Variants in ITPR2 observed in about 807,000 individuals in gnomAD.
ITPR2 encodes the protein inositol 1,4,5-trisphosphate receptor type 2.
In ITPR2, 207 loss-of-function variants were observed where a neutral mutation model predicts 317.1. The ratio of observed to expected loss-of-function variants is 0.65; its 90% CI spans 0.58 to 0.73. The LOEUF is 0.73. Among genes scored for constraint, ITPR2 ranks in the 30% least tolerant of loss-of-function variants. The pLI, the probability that ITPR2 is intolerant of heterozygous loss-of-function variation, is 0.00. For missense variants in ITPR2, 2,613 were observed against 3,284.0 expected, an observed-to-expected ratio of 0.80 and a Z score of 4.99; for synonymous variants, 1,156 against 1,149.1, an observed-to-expected ratio of 1.01 and a Z score of -0.12.
rs1161532654 is a variant in ITPR2 at position 26,664,125 on chromosome 12, T to C, written c.1552-279A>G. 2.0e-5 allele frequency among the ~76,000 whole-genome samples: 3 copies of C among 152,228 alleles called. No homozygotes were observed. In the East Asian group the frequency reaches 5.8e-4, roughly 29 times the overall value. On this transcript the variant is annotated intron_variant, in intron 14 of 56. Transcript: ENST00000381340. ...TTTTATAAAATAAGAAATATGAAGA[T>C]GTTCAATTTCACCAAGTTACATGAA...
At chr12:26,531,163 T>C (rs563468307) in intron 37 of ITPR2, among the ~76,000 whole-genome samples, 35 of 152,324 alleles carry the variant, frequency 2.3e-4, no homozygotes, top group African/African-American at 7.9e-4. Context: ...ACCATAAATA[T>C]TCATTGGGCT....
Position 26,411,114 on chromosome 12 carries a change from C to A in ITPR2, c.7399+206G>T. On this transcript the variant is annotated intron_variant, in intron 52 of 56. Coordinates refer to ENST00000381340, the MANE Select transcript of ITPR2 (RefSeq NM_002223.4). ...TGTGCTAAATCCTCCTGAATAGAAA[C>A]AATATAACGAACAGGAGAGGGGTAC... is the stretch of plus-strand genomic sequence containing the variant. The A allele has an allele frequency of 7.8e-6, 4 of 514,630 alleles. No individual in the cohort carries two copies. In the South Asian group the frequency reaches 9.0e-5, roughly 12 times the overall value. 31.9% of individuals were successfully genotyped at this position (514,630 alleles called of 1,614,324 possible). A position where few individuals can be genotyped will look rare whatever the true frequency, so the allele number is the denominator to read the frequency against.
At chr12:26,715,936 A>G (rs933627876) in intron 6 of ITPR2, 101 bp from the exon 7 acceptor site, 65 of 873,086 alleles carry the variant, frequency 7.4e-5, no homozygotes, top group Non-Finnish European at 1.1e-4. Flanking sequence ...ACAATTTTGG[A>G]TAATGAAGTA....
At chr12:26,749,721 T>C (rs538083776) in intron 2 of ITPR2, among the ~76,000 whole-genome samples, 1 of 152,360 alleles carries the variant, frequency 6.6e-6, no homozygotes, top group South Asian at 2.1e-4. Flanking sequence ...TTCTTCATAG[T>C]GGCATGTGTC....
At chr12:26,574,687 G>A (rs1221144271) in intron 34 of ITPR2, among the ~76,000 whole-genome samples, 1 of 152,098 alleles carries the variant, frequency 6.6e-6, no homozygotes, top group Admixed American at 6.5e-5. Context: ...GTCGTTCTGC[G>A]GGCCATACAA....
chr12:26,718,170 C>T (rs1948773712), intron 5 of ITPR2, among the ~76,000 whole-genome samples: 1 of 152,146 alleles, frequency 6.6e-6, no homozygotes, highest in Non-Finnish European at 1.5e-5. Context: ...GCTTACTGCA[C>T]CTATTGACCC....
At chr12:26,820,911 T>C (rs1360703388) in intron 1 of ITPR2, among the ~76,000 whole-genome samples, 1 of 152,166 alleles carries the variant, frequency 6.6e-6, no homozygotes, top group Non-Finnish European at 1.5e-5. Context: ...CACTTATACA[T>C]GGTACCTAGA....
At chr12:26,721,203 G>A in intron 5 of ITPR2, 1 of 411,774 alleles carries the variant, frequency 2.4e-6, no homozygotes, top group Non-Finnish European at 4.3e-6. Context: ...AAAAAAAGTA[G>A]GGTTTTTTTT....
At chr12:26,428,996 T>G (rs1385792130) in intron 48 of ITPR2, among the ~76,000 whole-genome samples, 1 of 152,180 alleles carries the variant, frequency 6.6e-6, no homozygotes, top group Non-Finnish European at 1.5e-5. Context: ...TCAATAACAG[T>G]CTTAATCTTT....
chr12:26,338,851 A>T lies in ITPR2; in HGVS notation c.*546T>A, dbSNP rs1273998960. 1 of 152,472 alleles carries T rather than the reference A, an allele frequency of 6.6e-6. No individual in the cohort carries two copies. The highest frequency in any genetic ancestry group is 1.5e-5 in the Non-Finnish European group (1 of 68,244). 9.4% of individuals were successfully genotyped at this position (152,472 alleles called of 1,614,324 possible). On this transcript the variant is annotated 3_prime_UTR_variant, in exon 57 of 57. Coordinates refer to ENST00000381340, the MANE Select transcript of ITPR2 (RefSeq NM_002223.4). ...TCCATTGTGCTTCATGTTATAAATA[A>T]AGAAATTGCCCTGTGACAGCTACAG...
intron 2 of ITPR2, among the ~76,000 whole-genome samples, chr12:26,757,685 A>G (rs1008423829): frequency 5.9e-5 from 9 of 152,210 alleles, no homozygotes; most frequent in African/African-American, 2.2e-4. Context: ...TTATCAGGAC[A>G]TGTCCCCATT....
At chr12:26,548,485 A>G (rs868380882) in intron 37 of ITPR2, among the ~76,000 whole-genome samples, 1 of 152,184 alleles carries the variant, frequency 6.6e-6, no homozygotes, top group East Asian at 1.9e-4. Flanking sequence ...TAGCACAGGA[A>G]TTGTATCCAT....
chr12:26,457,985 C>G (rs936487795), intron 45 of ITPR2, among the ~76,000 whole-genome samples: 2 of 152,144 alleles, frequency 1.3e-5, no homozygotes, highest in Non-Finnish European at 1.5e-5. Context: ...CAGGAGCATG[C>G]TCACTAAGGG....
At chr12:26,580,262 C>A in intron 32 of ITPR2, 107 bp from the exon 33 acceptor site, 1 of 995,280 alleles carries the variant, frequency 1.0e-6, no homozygotes. Context: ...AGTAACATTT[C>A]TTCTGCTTTT....
At chr12:26,574,505 T>C (rs1945231591) in intron 34 of ITPR2, among the ~76,000 whole-genome samples, 1 of 152,212 alleles carries the variant, frequency 6.6e-6, no homozygotes, top group Non-Finnish European at 1.5e-5. Context: ...TATTAATTTC[T>C]TTTTGACAGC....
intron 55 of ITPR2, among the ~76,000 whole-genome samples, chr12:26,361,560 T>C (rs1304742983): frequency 6.6e-6 from 1 of 152,152 alleles, no homozygotes; most frequent in Non-Finnish European, 1.5e-5. Context: ...AGAATAAAGG[T>C]AACCTAATTA....
At chr12:26,657,674 G>A (rs1164926429) in intron 18 of ITPR2, 33 bp downstream of exon 18, 1 of 1,577,052 alleles carries the variant, frequency 6.3e-7, no homozygotes, top group Non-Finnish European at 8.7e-7. Flanking sequence ...TGTGAGACTG[G>A]GAATTATTGT....
chr12:26,486,470 TC>T (rs1226385534), intron 40 of ITPR2, 110 bp from the exon 41 acceptor site: 17 of 945,114 alleles, frequency 1.8e-5, no homozygotes, highest in Non-Finnish European at 2.6e-5. Flanking sequence ...TTAAAAATAA[TC>T]TGACAAAAGG....
chr12:26,399,158 G>A, intron 53 of ITPR2, 117 bp from the exon 54 acceptor site: 2 of 716,246 alleles, frequency 2.8e-6, no homozygotes, highest in Admixed American at 4.1e-5. Flanking sequence ...ATCCCAAGTT[G>A]GAAAAATAAG....
Sources: gnomAD v4.1 joint callset for allele counts (sites outside exome capture counted in the v4.1 genomes callset) on GRCh38, gnomAD v4.1.1 for gene constraint, MANE v1.5 for transcripts, NCBI Gene and HGNC (gene_info 2026-07-23, HGNC 2026-07-21) for gene names.